The following ARHGAP24 variants were observed in gnomAD, a reference collection of about 807,000 sequenced individuals.
The protein encoded by ARHGAP24 is rho GTPase-activating protein 24.
A neutral mutation model predicts 76.4 loss-of-function variants in ARHGAP24; 50 were observed. The observed-to-expected ratio is 0.65, with a 90% CI of 0.52 to 0.83. The LOEUF (loss-of-function observed/expected upper bound fraction) is 0.83, where lower values mean the gene tolerates loss of function less well. ARHGAP24 is among the 40% of genes least tolerant of loss of function. The pLI, the probability that ARHGAP24 is intolerant of heterozygous loss-of-function variation, is 0.00. For synonymous variants in ARHGAP24, 345 were observed against 323.3 expected (o/e 1.07, Z -0.72); for missense variants, 930 against 914.2 (o/e 1.02, Z -0.22).
chr4:85,475,643 GGGGGGCGGGGAGGGGGCTGC>G (rs1722552642), intron 1 of ARHGAP24, 84 bp downstream of exon 1: 1 of 28,704 alleles, frequency 3.5e-5, no homozygotes, highest in African/African-American at 9.0e-5. Flanking sequence ...AGGGGGCTGC[GGGGGGCGGGGAGGGGGCTGC>G]GGGGGGCGGG....
intron 3 of ARHGAP24, among the ~76,000 whole-genome samples, chr4:85,750,620 C>T (rs935537180): frequency 2.7e-5 from 4 of 150,216 alleles, no homozygotes; most frequent in East Asian, 3.9e-4. Context: ...CTCAGCTTCC[C>T]GAGTAGCTGG....
intron 1 of ARHGAP24, among the ~76,000 whole-genome samples, chr4:85,501,753 T>A (rs1178168555): frequency 6.6e-6 from 1 of 152,218 alleles, no homozygotes; most frequent in African/African-American, 2.4e-5. Flanking sequence ...ATTTTGGCTT[T>A]TGTCACTACT....
chr4:85,952,141 A>C (rs1466957667), intron 5 of ARHGAP24, among the ~76,000 whole-genome samples: 1 of 152,200 alleles, frequency 6.6e-6, no homozygotes, highest in Non-Finnish European at 1.5e-5. Context: ...TAAATAGATA[A>C]GCAGAGATTT....
In ARHGAP24 at chr4:85,599,532, T is replaced by A. The variant is rs569460570; in HGVS notation, c.180+28811T>A. Among the ~76,000 whole-genome samples, 8 of 152,320 alleles carry A rather than the reference T, an allele frequency of 5.3e-5. No individual in the cohort carries two copies. The South Asian group carries it at 1.5e-3, about 28-fold the overall frequency. On this transcript the variant is annotated intron_variant, in intron 2 of 9. Transcript: ENST00000395184. The stretch of plus-strand genomic sequence containing the variant: ...GGAAGAAAAACCTCTATTTGATTTG[T>A]TTACCCAGGTGACTTCCTTTTGATG...
chr4:85,753,108 A>T (rs1578198117), intron 3 of ARHGAP24, among the ~76,000 whole-genome samples: 1 of 152,282 alleles, frequency 6.6e-6, no homozygotes, highest in East Asian at 1.9e-4. Flanking sequence ...ATCTTCTGAC[A>T]CCTTCTTGTG....
intron 3 of ARHGAP24, among the ~76,000 whole-genome samples, chr4:85,747,263 A>T (rs1726076525): frequency 6.6e-6 from 1 of 152,194 alleles, no homozygotes; most frequent in Admixed American, 6.5e-5. Flanking sequence ...ATATCTTTAG[A>T]GTAGAAAGTA....
intron 3 of ARHGAP24, among the ~76,000 whole-genome samples, chr4:85,919,743 A>G (rs1578388365): frequency 6.6e-6 from 1 of 152,140 alleles, no homozygotes; most frequent in African/African-American, 2.4e-5. Context: ...AGCGGCTGCC[A>G]CTCACTCTAA....
Position 85,995,635 on chromosome 4 carries a change from G to T in ARHGAP24, c.1981G>T (p.Glu661Ter), listed in dbSNP as rs1423054534. ...ACAGGAAATGACCAAACAGAAGATA[G>T]AGTATGAGTCCAGGATAAAGAGGTA... Reference protein sequence around the residue: ...LKQEMTKQKIEYESRIKSLEQ... With the variant: ...LKQEMTKQKI The change falls in exon 9 of 10, where the codon GAG becomes TAG. Residue 661 changes from glutamate to a stop codon, truncating the protein, a stop_gained. Transcript: ENST00000395184. LOFTEE classifies it high-confidence loss of function. The T allele has an allele frequency of 6.2e-7, 1 of 1,613,958 alleles. No individual in the cohort carries two copies. Among genetic ancestry groups the T allele is most frequent in the South Asian group, 1.1e-5 (1 of 91,056 alleles).
At chr4:85,983,085 G>T (rs1427402342) in intron 8 of ARHGAP24, among the ~76,000 whole-genome samples, 2 of 152,120 alleles carry the variant, frequency 1.3e-5, no homozygotes, top group Admixed American at 6.6e-5. Context: ...CCATGTCCCT[G>T]CAAAGGACAT....
chr4:85,592,173 G>A (rs1008341919), intron 2 of ARHGAP24, among the ~76,000 whole-genome samples: 2 of 152,114 alleles, frequency 1.3e-5, no homozygotes, highest in African/African-American at 2.4e-5. Flanking sequence ...TAATTTTTGT[G>A]GGTGCATAGT....
chr4:85,853,565 G>A (rs112199524), intron 3 of ARHGAP24, among the ~76,000 whole-genome samples: 4,866 of 152,250 alleles, frequency 0.032, 295 homozygotes, highest in African/African-American at 0.11. Context: ...CGTCTGTCAC[G>A]CTGGGAGCTG....
chr4:85,592,709 C>T (rs759204753), intron 2 of ARHGAP24, among the ~76,000 whole-genome samples: 1 of 152,150 alleles, frequency 6.6e-6, no homozygotes, highest in South Asian at 2.1e-4. Context: ...TAATTTTTAA[C>T]TCCCACATAT....
intron 4 of ARHGAP24, among the ~76,000 whole-genome samples, chr4:85,938,853 A>G (rs1334518895): frequency 1.3e-5 from 2 of 151,598 alleles, no homozygotes; most frequent in South Asian, 2.1e-4. Context: ...GACCTCCCCC[A>G]ATTCCCAATT....
chr4:85,554,010 G>A (rs1440060350), intron 1 of ARHGAP24, among the ~76,000 whole-genome samples: 3 of 151,856 alleles, frequency 2.0e-5, no homozygotes, highest in African/African-American at 7.3e-5. Context: ...GCATGTCCAG[G>A]GTTAATGGAT....
At chr4:85,480,647 A>AT (rs1250228954) in intron 1 of ARHGAP24, among the ~76,000 whole-genome samples, 4 of 152,118 alleles carry the variant, frequency 2.6e-5, no homozygotes, top group Non-Finnish European at 5.9e-5. Flanking sequence ...TTTCTAGGTC[A>AT]TTTTTTGTAG....
chr4:85,875,117 ATATATTTATCT>A, intron 3 of ARHGAP24, among the ~76,000 whole-genome samples: 2 of 44,866 alleles, frequency 4.5e-5, no homozygotes, highest in African/African-American at 8.2e-5. Context: ...ATTATATATA[ATATATTTATCT>A]TATATATTAT....
At chr4:85,886,505 G>T (rs917040861) in intron 3 of ARHGAP24, among the ~76,000 whole-genome samples, 56 of 152,184 alleles carry the variant, frequency 3.7e-4, no homozygotes, top group African/African-American at 1.2e-3. Flanking sequence ...CTTGTGTGTT[G>T]CTTATGGAAT....
intron 2 of ARHGAP24, among the ~76,000 whole-genome samples, chr4:85,654,348 TA>T (rs1722055485): frequency 6.6e-6 from 1 of 152,184 alleles, no homozygotes; most frequent in Non-Finnish European, 1.5e-5. Flanking sequence ...CAACCTTAAA[TA>T]CCTCCTTAAA....
intron 3 of ARHGAP24, among the ~76,000 whole-genome samples, chr4:85,907,070 G>GA (rs915822238): frequency 9.2e-5 from 14 of 152,130 alleles, no homozygotes; most frequent in African/African-American, 3.4e-4. Context: ...TGATTTACAC[G>GA]AACTCTTGCT....
Sources: gnomAD v4.1 joint callset for allele counts (sites outside exome capture counted in the v4.1 genomes callset) on GRCh38, gnomAD v4.1.1 for gene constraint, MANE v1.5 for transcripts, NCBI Gene and HGNC (gene_info 2026-07-23, HGNC 2026-07-21) for gene names.